The following GPC3 variants were observed in gnomAD, a reference collection of about 807,000 sequenced individuals.
GPC3 encodes the protein glypican-3.
A neutral mutation model predicts 34.4 loss-of-function variants in GPC3; 3 were observed. The ratio of observed to expected loss-of-function variants is 0.09; its 90% confidence interval spans 0.04 to 0.23. The LOEUF is 0.23. GPC3 is among the 10% of genes least tolerant of loss of function. GPC3 has a pLI of 1.00. For synonymous variants in GPC3, 177 were observed against 174.0 expected (o/e 1.02, Z -0.13); for missense variants, 351 against 445.6 (o/e 0.79, Z 1.91).
intron 7 of GPC3, among the ~76,000 whole-genome samples, chrX:133,566,205 T>G (rs929452953): frequency 4.5e-5 from 5 of 112,103 alleles, no homozygotes; most frequent in African/African-American, 1.6e-4. Context: ...TGTGCACTGC[T>G]GGCCCATTAG....
chrX:133,595,291 G>A (rs954573473), intron 7 of GPC3, among the ~76,000 whole-genome samples: 4 of 111,072 alleles, frequency 3.6e-5, no homozygotes, highest in African/African-American at 9.8e-5. Flanking sequence ...ACAGAGGAAA[G>A]AGAATGGCAG....
chrX:133,596,325 T>G, intron 7 of GPC3, 115 bp downstream of exon 7: 203 of 661,022 alleles, frequency 3.1e-4, no homozygotes, highest in East Asian at 4.2e-4. Flanking sequence ...GAAGAGTTGA[T>G]GAGATTGTGT....
intron 7 of GPC3, among the ~76,000 whole-genome samples, chrX:133,571,333 T>C (rs1272662414): frequency 1.8e-5 from 2 of 112,074 alleles, no homozygotes; most frequent in African/African-American, 3.2e-5. Flanking sequence ...CGCATTTAGG[T>C]TGGCTACTTT....
At position 133,907,511 on chromosome X, in the gene GPC3, T is replaced by C. The variant is rs190184163; in HGVS notation, c.337+45539A>G. 2.7e-5 allele frequency among the ~76,000 whole-genome samples: 3 copies of C among 112,081 alleles called. No individual in the cohort carries two copies. In the East Asian group the frequency reaches 8.4e-4, roughly 31 times the overall value. On this transcript the variant is annotated intron_variant, in intron 2 of 7. Transcript: ENST00000370818. ...AAAATAGCTACTGTTCACATTGTGG[T>C]ATAAGACTTCATAGAATTTTATCTA...
chrX:133,678,621 G>C (rs2070907619), intron 5 of GPC3, among the ~76,000 whole-genome samples: 1 of 111,672 alleles, frequency 9.0e-6, no homozygotes, highest in Non-Finnish European at 1.9e-5. Flanking sequence ...CACTGTAGGG[G>C]CCAGAGGGTA....
At chrX:133,846,968 C>T (rs1466515358) in intron 2 of GPC3, among the ~76,000 whole-genome samples, 2 of 111,591 alleles carry the variant, frequency 1.8e-5, no homozygotes, top group Non-Finnish European at 1.9e-5. Context: ...TCCACTGATA[C>T]CTTAAATGTT....
chrX:133,978,390 G>A (rs2076525149), intron 1 of GPC3, among the ~76,000 whole-genome samples: 1 of 112,038 alleles, frequency 8.9e-6, no homozygotes, highest in African/African-American at 3.2e-5. Context: ...GATCTGTAAG[G>A]TGAAGATAAG....
At chrX:133,862,981 C>G (rs779933576) in intron 2 of GPC3, among the ~76,000 whole-genome samples, 1 of 113,099 alleles carries the variant, frequency 8.8e-6, no homozygotes, top group East Asian at 2.8e-4. Context: ...CGAGCTTTGG[C>G]TCTGCTTAGC....
intron 6 of GPC3, among the ~76,000 whole-genome samples, chrX:133,598,478 C>T (rs7060551): frequency 0.049 from 5,463 of 111,495 alleles, 353 homozygotes; most frequent in African/African-American, 0.17. Context: ...TCTTTGATGT[C>T]CAGCTTAATA....
intron 2 of GPC3, among the ~76,000 whole-genome samples, chrX:133,813,327 A>C (rs1190780469): frequency 3.6e-5 from 4 of 112,390 alleles, no homozygotes; most frequent in Admixed American, 2.8e-4. Flanking sequence ...CTTAGCTAAA[A>C]TGAATATCCA....
intron 5 of GPC3, among the ~76,000 whole-genome samples, chrX:133,673,203 G>A (rs1223124260): frequency 1.8e-5 from 2 of 112,482 alleles, no homozygotes; most frequent in Non-Finnish European, 3.8e-5. Context: ...CTCCCAAAGT[G>A]CTGGGATTAC....
intron 7 of GPC3, among the ~76,000 whole-genome samples, chrX:133,559,030 T>C (rs1287386469): frequency 1.8e-5 from 2 of 111,574 alleles, no homozygotes; most frequent in Non-Finnish European, 3.8e-5. Flanking sequence ...TTATATTGAG[T>C]ATGTTTAGTA....
At chrX:133,624,932 C>A (rs1319160645) in intron 6 of GPC3, among the ~76,000 whole-genome samples, 1 of 111,522 alleles carries the variant, frequency 9.0e-6, no homozygotes, top group Non-Finnish European at 1.9e-5. Context: ...TACTGGCAAA[C>A]CAAATCCAGC....
At chrX:133,611,825 T>G (rs1225643004) in intron 6 of GPC3, among the ~76,000 whole-genome samples, 3 of 112,068 alleles carry the variant, frequency 2.7e-5, no homozygotes, top group Non-Finnish European at 5.6e-5. Context: ...CGACATCTTG[T>G]GTTTTCATGT....
intron 2 of GPC3, among the ~76,000 whole-genome samples, chrX:133,897,357 G>C (rs1247696030): frequency 9.2e-6 from 1 of 108,408 alleles, no homozygotes; most frequent in Admixed American, 1.0e-4. Flanking sequence ...GCCTCTTTGT[G>C]CACCTTTTAA....
intron 2 of GPC3, among the ~76,000 whole-genome samples, chrX:133,930,180 G>A (rs2076292423): frequency 8.9e-6 from 1 of 111,898 alleles, no homozygotes; most frequent in Non-Finnish European, 1.9e-5. Context: ...AAGACTTCAT[G>A]CCAGTGGTTC....
At chrX:133,791,430 A>G (rs931120041) in intron 2 of GPC3, among the ~76,000 whole-genome samples, 1 of 111,758 alleles carries the variant, frequency 8.9e-6, no homozygotes, top group African/African-American at 3.3e-5. Flanking sequence ...CTCCTTTAAA[A>G]CAGGGAACTC....
chrX:133,829,743 C>G (rs1351419580), intron 2 of GPC3, among the ~76,000 whole-genome samples: 2 of 110,888 alleles, frequency 1.8e-5, no homozygotes, highest in Non-Finnish European at 3.8e-5. Context: ...CAAAAGAAAG[C>G]TGGGCTAGCT....
At chrX:133,953,326 A>T (rs1387686447) in intron 1 of GPC3, 115 bp from the exon 2 acceptor site, 12 of 587,532 alleles carry the variant, frequency 2.0e-5, no homozygotes, top group Non-Finnish European at 3.2e-5. Context: ...CAGGGCAAAC[A>T]ATGCATTTCT....
Sources: allele counts gnomAD v4.1 joint callset (sites outside exome capture counted in the v4.1 genomes callset), GRCh38; gene constraint gnomAD v4.1.1; transcripts MANE v1.5; gene names NCBI Gene and HGNC (gene_info 2026-07-23, HGNC 2026-07-21).